ZNF469: variants seen among roughly 807,000 people sequenced by gnomAD.
ZNF469 encodes zinc finger protein 469.
Under a neutral mutation model 1.0 loss-of-function variants are expected in ZNF469, and 1 was observed. That is an observed-to-expected ratio of 1.00 (90% CI 0.35 to 4.73). ZNF469 has a LOEUF of 4.73. Among genes scored for constraint, ZNF469 ranks in the 30% most tolerant of loss-of-function variants. The pLI is 0.16. For synonymous variants in ZNF469, 2,703 were observed against 2,363.4 expected, an observed-to-expected ratio of 1.14 and a Z score of -4.17; for missense variants, 6,100 against 5,356.3, an observed-to-expected ratio of 1.14 and a Z score of -4.33.
chr16:88,325,530 G>T, the ZNF469 span, among the ~76,000 whole-genome samples: 3 of 152,380 alleles, frequency 2.0e-5, no homozygotes, highest in African/African-American at 7.2e-5. Flanking sequence ...GGGGCACTAT[G>T]TGTGGTGGCG....
At position 88,432,241 on chromosome 16, in the gene ZNF469, G is replaced by A; in HGVS notation, c.4771G>A (p.Ala1591Thr). 1 of 1,549,038 alleles carries A rather than the reference G, an allele frequency of 6.5e-7. No individual in the cohort carries two copies. Among genetic ancestry groups the A allele is most frequent in the Non-Finnish European group, 8.7e-7 (1 of 1,146,988 alleles). ...TRGAPRELAE[A>T]ESVGRVELGT... ...TGGGGCCCCGAGAGAGCTTGCAGAA[G>A]CTGAGTCGGTGGGCAGGGTGGAGCT... is the stretch of plus-strand genomic sequence containing the variant. The change falls in exon 3 of 3, where the codon GCT (alanine) becomes ACT (threonine). Residue 1591 changes from alanine to threonine, a missense_variant. Physicochemically the swap from Ala to Thr is moderately conservative, Grantham distance 58. Coordinates refer to ENST00000565624, the MANE Select transcript of ZNF469 (RefSeq NM_001367624.2).
the ZNF469 span, among the ~76,000 whole-genome samples, chr16:88,235,715 A>G: frequency 9.8e-5 from 15 of 152,358 alleles, no homozygotes; most frequent in African/African-American, 3.6e-4. Flanking sequence ...CTTGTTGCTG[A>G]AAAAAACATC....
In ZNF469 at chr16:88,424,452, G is replaced by A. The variant is rs1905613756; in HGVS notation, c.-191-355G>A. ...GGAGGGATCCTGGCAGGGATGGGAG[G>A]GGCAGCGTTCTCACTGCAACTCGTA... is the stretch of plus-strand genomic sequence containing the variant. On this transcript the variant is annotated intron_variant, in intron 1 of 2. Transcript: ENST00000565624. The surrounding 1 kb of genome is among the most constrained non-coding windows in gnomAD (Gnocchi z 4.3). Among the ~76,000 whole-genome samples the A allele has an allele frequency of 6.6e-6, 1 of 152,150 alleles. No homozygotes were observed. Among genetic ancestry groups the A allele is most frequent in the Non-Finnish European group, 1.5e-5 (1 of 68,010 alleles).
At chr16:88,251,644 C>T in the ZNF469 span, among the ~76,000 whole-genome samples, 9 of 144,394 alleles carry the variant, frequency 6.2e-5, no homozygotes, top group Non-Finnish European at 1.3e-4. Context: ...CTGCAACCTC[C>T]ACCTCCCGGG....
the ZNF469 span, among the ~76,000 whole-genome samples, chr16:88,273,370 T>C: frequency 6.6e-6 from 1 of 151,812 alleles, no homozygotes; most frequent in Admixed American, 6.6e-5. Flanking sequence ...GAACTTATTT[T>C]ACAAAGTCGT....
the ZNF469 span, among the ~76,000 whole-genome samples, chr16:88,152,938 C>T: frequency 6.6e-6 from 1 of 152,218 alleles, no homozygotes; most frequent in African/African-American, 2.4e-5. The surrounding 1 kb of genome is among the most constrained non-coding windows in gnomAD (Gnocchi z 4.2). Flanking sequence ...AATGCCGTCT[C>T]CTCCACCTCA....
chr16:88,115,100 C>G, the ZNF469 span, among the ~76,000 whole-genome samples: 1 of 152,196 alleles, frequency 6.6e-6, no homozygotes, highest in Non-Finnish European at 1.5e-5. Context: ...CCCTGCCCAG[C>G]CTGTCTTAAC....
the ZNF469 span, among the ~76,000 whole-genome samples, chr16:88,185,763 G>GAC: frequency 2.2e-3 from 316 of 146,582 alleles, 4 homozygotes; most frequent in African/African-American, 7.0e-3. Context: ...CAGACCCACA[G>GAC]ACACATTCGC....
At position 88,427,821 on chromosome 16, in the gene ZNF469, A is replaced by T. The variant is rs892722064; in HGVS notation, c.351A>T (p.Pro117=). Residue 117 remains proline, a synonymous_variant, in exon 3 of 3, where the codon CCA becomes CCT. Coordinates refer to ENST00000565624, the MANE Select transcript of ZNF469 (RefSeq NM_001367624.2). ...RLAGRAEGSP[P]QRYILGIASS... ...CGGGCAGGGCAGAGGGCAGCCCCCCACAGCGCTACATTCTGGGCATCGCCA... is the reference window on the plus strand; with the variant it reads ...CGGGCAGGGCAGAGGGCAGCCCCCCTCAGCGCTACATTCTGGGCATCGCCA... 6.5e-7 allele frequency: 1 copy of T among 1,548,472 alleles called. No individual in the cohort carries two copies.
At chr16:88,413,746 G>A (rs1348405515) in intron 1 of ZNF469, among the ~76,000 whole-genome samples, 2 of 152,132 alleles carry the variant, frequency 1.3e-5, no homozygotes, top group Admixed American at 1.3e-4. Flanking sequence ...GAGGGTGCAG[G>A]ACCCAGGGAC....
At chr16:88,266,867 G>A in the ZNF469 span, among the ~76,000 whole-genome samples, 2 of 152,218 alleles carry the variant, frequency 1.3e-5, no homozygotes, top group Non-Finnish European at 2.9e-5. Flanking sequence ...CCTGCCTTCC[G>A]AAGGCAGTTT....
At chr16:88,369,230 C>T in the ZNF469 span, among the ~76,000 whole-genome samples, 9 of 152,332 alleles carry the variant, frequency 5.9e-5, 1 homozygote, top group Middle Eastern at 6.8e-3. Flanking sequence ...CCCCACCCCA[C>T]GCTGGGGAAT....
chr16:88,136,087 G>A, the ZNF469 span, among the ~76,000 whole-genome samples: 3 of 152,200 alleles, frequency 2.0e-5, no homozygotes, highest in East Asian at 5.8e-4. Flanking sequence ...GTGTTCAGCT[G>A]GACAAAGGTC....
chr16:88,429,861 C>T lies in ZNF469; in HGVS notation c.2391C>T (p.Phe797=), dbSNP rs1410226685. 1.1e-5 allele frequency: 17 copies of T among 1,549,910 alleles called. No individual in the cohort carries two copies. Among genetic ancestry groups the T allele is most frequent in the Non-Finnish European group, 1.5e-5 (17 of 1,146,808 alleles). ...GCTTGCTCAGCCACGCGAAGACCTT[C>T]CTGTTAGCTGGGGACGCCCAGGCCG... is the stretch of plus-strand genomic sequence containing the variant. ...HAGLLSHAKT[F]LLAGDAQAEG... Residue 797 remains phenylalanine, a synonymous_variant, in exon 3 of 3, where the codon TTC becomes TTT. Coordinates refer to ENST00000565624, the MANE Select transcript of ZNF469 (RefSeq NM_001367624.2).
chr16:88,418,771 T>C (rs1245370308), intron 1 of ZNF469, among the ~76,000 whole-genome samples: 1 of 152,154 alleles, frequency 6.6e-6, no homozygotes, highest in African/African-American at 2.4e-5. Context: ...CCGGGCCATA[T>C]CTCAGATATA....
the ZNF469 span, among the ~76,000 whole-genome samples, chr16:88,117,208 C>T: frequency 6.9e-6 from 1 of 144,720 alleles, no homozygotes; most frequent in African/African-American, 2.6e-5. Context: ...GGGCCGGGGA[C>T]ACGTGAGAGC....
At chr16:88,135,618 G>A in the ZNF469 span, among the ~76,000 whole-genome samples, 26,805 of 152,048 alleles carry the variant, frequency 0.18, 2,888 homozygotes, top group East Asian at 0.48. Context: ...ACTCACACCC[G>A]GAGGAGCACC....
chr16:88,203,594 C>A, the ZNF469 span, among the ~76,000 whole-genome samples: 3 of 152,192 alleles, frequency 2.0e-5, no homozygotes, highest in African/African-American at 4.8e-5. Context: ...GTCTCAGGGC[C>A]ATGCTGCCTG....
At chr16:88,420,461 T>C (rs1477988492) in intron 1 of ZNF469, among the ~76,000 whole-genome samples, 1 of 152,170 alleles carries the variant, frequency 6.6e-6, no homozygotes, top group Non-Finnish European at 1.5e-5. Flanking sequence ...CATTTACAGT[T>C]GGTGAAACTG....
Sources: allele counts gnomAD v4.1 joint callset (sites outside exome capture counted in the v4.1 genomes callset), GRCh38; gene constraint gnomAD v4.1.1; non-coding constraint Gnocchi (gnomAD v3.1); transcripts MANE v1.5; gene names NCBI Gene and HGNC (gene_info 2026-07-23, HGNC 2026-07-21).